Variants in PEAR1 observed in about 807,000 individuals in gnomAD.
PEAR1 encodes the protein multiple EGF-like domains protein 12.
In PEAR1, 113 loss-of-function variants were observed where a neutral mutation model predicts 131.2. The ratio of observed to expected loss-of-function variants is 0.86; its 90% CI spans 0.74 to 1.01. The LOEUF is 1.01. PEAR1 is among the 50% of genes least tolerant of loss of function. The pLI is 0.00. For missense variants in PEAR1, 1,408 were observed against 1,391.1 expected (o/e 1.01, Z -0.19); for synonymous variants, 565 against 523.3 (o/e 1.08, Z -1.09).
At chr1:156,904,600 G>A (rs1268322569) in intron 2 of PEAR1, 148 bp from the exon 3 acceptor site, 5 of 776,540 alleles carry the variant, frequency 6.4e-6, no homozygotes, top group Non-Finnish European at 1.1e-5. Flanking sequence ...GGTGGGACAG[G>A]ATGGGGGTCC....
chr1:156,906,596 T>C (rs760435088), intron 5 of PEAR1, 41 bp from the exon 6 acceptor site: 2 of 1,611,852 alleles, frequency 1.2e-6, no homozygotes, highest in East Asian at 2.2e-5. Flanking sequence ...GGGGATGGAC[T>C]AGACCCCTGG....
rs368604782 is a variant in PEAR1 at position 156,906,824 on chromosome 1, A to T, written c.588A>T (p.Ala196=). Residue 196 remains alanine (A), a synonymous_variant, in exon 6 of 23, where the codon GCA becomes GCT. Coordinates refer to ENST00000292357, the MANE Select transcript of PEAR1 (RefSeq NM_001080471.3). ...ACQFRCQCHG[A]PCDPQTGACF... Reference sequence around the variant, plus strand: ...AGTTCCGCTGCCAGTGCCATGGGGCACCCTGCGATCCCCAGACTGGAGCCT... The same window carrying T: ...AGTTCCGCTGCCAGTGCCATGGGGCTCCCTGCGATCCCCAGACTGGAGCCT... 2.5e-5 allele frequency: 40 copies of T among 1,614,020 alleles called. 1 individual carries two copies. The African/African-American group carries it at 5.3e-4, about 22-fold the overall frequency.
In PEAR1 at chr1:156,904,015, G is replaced by C. The variant is rs1649953924; in HGVS notation, c.89G>C (p.Ser30Thr). The C allele has an allele frequency of 6.2e-7, 1 of 1,613,926 alleles. No individual in the cohort carries two copies. The highest frequency in any genetic ancestry group is 2.2e-5 in the East Asian group (1 of 44,878). ...TLNPSDPNTC[S>T]FWESFTTTTK... ...AACCCCAGTGATCCCAATACCTGCAGCTTCTGGGAAAGGTGAGAGGGCCCC... is the reference window on the plus strand; with the variant it reads ...AACCCCAGTGATCCCAATACCTGCACCTTCTGGGAAAGGTGAGAGGGCCCC... The change falls in exon 2 of 23, where the codon AGC becomes ACC. Residue 30 changes from serine (S) to threonine (T), a missense_variant. Ser to Thr is a moderately conservative substitution (Grantham distance 58). Coordinates refer to ENST00000292357, the MANE Select transcript of PEAR1 (RefSeq NM_001080471.3).
chr1:156,910,492 C>G, intron 14 of PEAR1, 112 bp downstream of exon 14: 2 of 1,545,764 alleles, frequency 1.3e-6, no homozygotes, highest in East Asian at 2.3e-5. Flanking sequence ...ACCTTACCCC[C>G]GGTCTCTTCC....
intron 3 of PEAR1, among the ~76,000 whole-genome samples, 175 bp from the exon 4 acceptor site, chr1:156,905,149 G>A (rs1425977186): frequency 6.6e-6 from 1 of 152,094 alleles, no homozygotes; most frequent in Non-Finnish European, 1.5e-5. Flanking sequence ...TGTCACCCAG[G>A]CTGGAGTGCA....
chr1:156,896,693 G>A (rs374869339), intron 1 of PEAR1, among the ~76,000 whole-genome samples: 4 of 152,340 alleles, frequency 2.6e-5, no homozygotes, highest in African/African-American at 9.6e-5. Flanking sequence ...AGCGGGAGAT[G>A]TGTGCAGTGG....
intron 1 of PEAR1, among the ~76,000 whole-genome samples, chr1:156,901,507 G>C (rs1376674418): frequency 6.6e-6 from 1 of 152,216 alleles, no homozygotes; most frequent in East Asian, 1.9e-4. Flanking sequence ...CCTGCAACAA[G>C]TTTTGTCCAT....
chr1:156,914,865 C>G lies in PEAR1; in HGVS notation c.*67C>G. On this transcript the variant is annotated 3_prime_UTR_variant, in exon 23 of 23. Coordinates refer to ENST00000292357, the MANE Select transcript of PEAR1 (RefSeq NM_001080471.3). ...TGCTGCTCAAGGCTGGGGACAGAGCCTAGTGTACCCCTGCCAGGAGCAGGG... is the reference window on the plus strand; with the variant it reads ...TGCTGCTCAAGGCTGGGGACAGAGCGTAGTGTACCCCTGCCAGGAGCAGGG... 1.3e-6 allele frequency: 2 copies of G among 1,551,786 alleles called. No individual in the cohort carries two copies. The highest frequency in any genetic ancestry group is 2.4e-5 in the South Asian group (2 of 83,882).
chr1:156,912,251 C>A lies in PEAR1; in HGVS notation c.1956C>A (p.Cys652Ter). 2 of 1,611,400 alleles carry A rather than the reference C, an allele frequency of 1.2e-6. No individual in the cohort carries two copies. Among genetic ancestry groups the A allele is most frequent in the Non-Finnish European group, 1.7e-6 (2 of 1,178,962 alleles). The change falls in exon 16 of 23, where the codon TGC becomes TGA. Residue 652 changes from cysteine (C) to a stop codon, truncating the protein, a stop_gained. Coordinates refer to ENST00000292357, the MANE Select transcript of PEAR1 (RefSeq NM_001080471.3). LOFTEE classifies it high-confidence loss of function. ...GWTGPDCSQPCPPGHWGENCA... is the reference protein window; with the variant it reads ...GWTGPDCSQP ...CAGGCCCCATGTCTCCCGTAGCATG[C>A]CCTCCAGGACACTGGGGAGAAAACT...
chr1:156,904,672 C>T (rs1650033679), intron 2 of PEAR1, 76 bp from the exon 3 acceptor site: 1 of 1,433,634 alleles, frequency 7.0e-7, no homozygotes, highest in Admixed American at 2.1e-5. Context: ...TGGCCAAGCC[C>T]TCATGGCCAT....
chr1:156,903,096 G>A (rs1649850557), intron 1 of PEAR1, among the ~76,000 whole-genome samples: 1 of 152,070 alleles, frequency 6.6e-6, no homozygotes, highest in Admixed American at 6.6e-5. Flanking sequence ...AACCCCCCAT[G>A]CCTGATTTCA....
At chr1:156,911,013 T>G in intron 15 of PEAR1, among the ~76,000 whole-genome samples, 1 of 151,964 alleles carries the variant, frequency 6.6e-6, no homozygotes, top group East Asian at 1.9e-4. Context: ...TAGGCTTAGC[T>G]TGGGACATTT....
In PEAR1 at chr1:156,914,071, C is replaced by A. The variant is rs774485530; in HGVS notation, c.2933C>A (p.Thr978Asn). 3.1e-6 allele frequency: 5 copies of A among 1,605,260 alleles called. No individual in the cohort carries two copies. The highest frequency in any genetic ancestry group is 4.3e-6 in the Non-Finnish European group (5 of 1,175,904). The change falls in exon 22 of 23, where the codon ACC becomes AAC. Residue 978 changes from threonine to asparagine, a missense_variant. Thr to Asn is a moderately conservative substitution (Grantham distance 65). Coordinates refer to ENST00000292357, the MANE Select transcript of PEAR1 (RefSeq NM_001080471.3). Reference sequence around the variant, plus strand: ...CCCCAGCCACAGAGAGACAGTGGCACCTACGAGCAGCCCAGCCCCCTGATC... The same window carrying A: ...CCCCAGCCACAGAGAGACAGTGGCAACTACGAGCAGCCCAGCCCCCTGATC... ...RQPQPQRDSG[T>N]YEQPSPLIHD...
Position 156,913,915 on chromosome 1 carries a change from C to T in PEAR1, c.2777C>T (p.Ala926Val). 1.9e-6 allele frequency: 3 copies of T among 1,614,064 alleles called. No homozygotes were observed. The highest frequency in any genetic ancestry group is 2.5e-6 in the Non-Finnish European group (3 of 1,180,000). Residue 926 changes from alanine to valine, a missense_variant, in exon 22 of 23, where the codon GCC (alanine) becomes GTC (valine). Transcript: ENST00000292357. Reference sequence around the variant, plus strand: ...TCCCTGAGCAGTGAGAACCCATATGCCACCATCCGGGACCTGCCCAGCTTG... The same window carrying T: ...TCCCTGAGCAGTGAGAACCCATATGTCACCATCCGGGACCTGCCCAGCTTG... ...VASLSSENPY[A>V]TIRDLPSLPG... is the part of the protein sequence containing the mutation.
intron 16 of PEAR1, 55 bp downstream of exon 16, chr1:156,912,430 A>G (rs1406376525): frequency 1.7e-5 from 28 of 1,603,184 alleles, no homozygotes; most frequent in South Asian, 2.2e-5. Flanking sequence ...CCTTACCCAA[A>G]AAAAGGAGAC....
In PEAR1 at chr1:156,910,082, G is replaced by A. The variant is rs368688164; in HGVS notation, c.1652G>A (p.Arg551His). The part of the protein sequence containing the change: ...HSDGCDPVHG[R>H]CQCQAGWMGA... ...GATGGCTGTGACCCTGTTCATGGACGCTGTCAGTGCCAGGCTGGCTGGATG... is the reference window on the plus strand; with the variant it reads ...GATGGCTGTGACCCTGTTCATGGACACTGTCAGTGCCAGGCTGGCTGGATG... Residue 551 changes from arginine (R) to histidine (H), a missense_variant, in exon 13 of 23, where the codon CGC becomes CAC. Arg to His is a conservative substitution (Grantham distance 29). Transcript: ENST00000292357. The A allele has an allele frequency of 9.3e-6, 15 of 1,614,024 alleles. No homozygotes were observed. In the African/African-American group the frequency reaches 1.1e-4, roughly 11 times the overall value.
rs1204033646 is a variant in PEAR1, at chr1:156,913,750, C to G, written c.2703C>G (p.Phe901Leu). 1 of 1,614,098 alleles carries G rather than the reference C, an allele frequency of 6.2e-7. No homozygotes were observed. The highest frequency in any genetic ancestry group is 8.5e-7 in the Non-Finnish European group (1 of 1,180,016). ...SYSYSNGPGP[F>L]YNKGLISEEE... The stretch of plus-strand genomic sequence containing the variant: ...GCTACAGCAATGGCCCAGGCCCATT[C>G]TACAATAAAGGTATGGGCACAGGGG... Residue 901 changes from phenylalanine (F) to leucine (L), a missense_variant, in exon 21 of 23, where the codon TTC (phenylalanine) becomes TTG (leucine). Transcript: ENST00000292357.
chr1:156,894,664 C>T (rs910952472), intron 1 of PEAR1, among the ~76,000 whole-genome samples: 10 of 152,218 alleles, frequency 6.6e-5, no homozygotes, highest in African/African-American at 2.2e-4. Context: ...CCCAGCAAGG[C>T]AACCCTTCAC....
intron 3 of PEAR1, 192 bp downstream of exon 3, chr1:156,905,044 A>T (rs948197044): frequency 2.2e-5 from 31 of 1,432,196 alleles, no homozygotes; most frequent in Middle Eastern, 1.7e-4. Context: ...ATGTGTGTTT[A>T]GGGTACGCAT....
Sources: gnomAD v4.1 joint callset for allele counts (sites outside exome capture counted in the v4.1 genomes callset) on GRCh38, gnomAD v4.1.1 for gene constraint, MANE v1.5 for transcripts, NCBI Gene and HGNC (gene_info 2026-07-23, HGNC 2026-07-21) for gene names.